Variants in KRT18 observed in about 807,000 individuals in gnomAD.
KRT18 encodes the protein keratin, type I cytoskeletal 18.
Under a neutral mutation model 39.9 loss-of-function variants are expected in KRT18, and 8 were observed. The ratio of observed to expected loss-of-function variants is 0.20; its 90% CI spans 0.12 to 0.36. The LOEUF (loss-of-function observed/expected upper bound fraction) is 0.36, where lower values mean the gene tolerates loss of function less well. Ranked by LOEUF, KRT18 falls within the 10% of genes least tolerant of loss-of-function variation. The probability of loss-of-function intolerance (pLI) is 1.00; values close to 1 mark genes in which losing one functional copy is unlikely to be tolerated. For synonymous variants in KRT18, 194 were observed against 227.8 expected (o/e 0.85, Z 1.33); for missense variants, 396 against 565.7 (o/e 0.70, Z 3.04).
chr12:52,950,069 T>G, intron 1 of KRT18: 1 of 621,396 alleles, frequency 1.6e-6, no homozygotes, highest in Non-Finnish European at 2.9e-6. Context: ...TAGTAGCGAC[T>G]CACTTCTGGG....
chr12:52,950,012 G>T, intron 1 of KRT18: 2 of 606,272 alleles, frequency 3.3e-6, no homozygotes, highest in Non-Finnish European at 5.8e-6. Context: ...GAGTGACCAG[G>T]TGCACTAGGG....
rs147350452 is a variant in KRT18 at position 52,949,226 on chromosome 12, C to A, written c.53C>A (p.Ser18Tyr). ...TFSTNYRSLG[S>Y]VQAPSYGARP... ...TCCACCAACTACCGGTCCCTGGGCT[C>A]TGTCCAGGCGCCCAGCTACGGCGCC... The change falls in exon 1 of 7, where the codon TCT becomes TAT. Residue 18 changes from serine (S) to tyrosine (Y), a missense_variant. Transcript: ENST00000388835. 6.2e-7 allele frequency: 1 copy of A among 1,611,516 alleles called. No individual in the cohort carries two copies.
At position 52,950,404 on chromosome 12, in the gene KRT18, G is replaced by A; in HGVS notation, c.494G>A (p.Arg165Lys). 1.2e-6 allele frequency: 2 copies of A among 1,610,678 alleles called. No individual in the cohort carries two copies. Among genetic ancestry groups the A allele is most frequent in the Non-Finnish European group, 1.7e-6 (2 of 1,177,096 alleles). ...DNARLAADDF[R>K]VKYETELAMR... ...GCCCGTCTTGCTGCTGATGACTTTAGAGTCAAGTAAGTTTGGGGGCTAGAG... is the reference window on the plus strand; with the variant it reads ...GCCCGTCTTGCTGCTGATGACTTTAAAGTCAAGTAAGTTTGGGGGCTAGAG... The change falls in exon 2 of 7, where the codon AGA becomes AAA. Residue 165 changes from arginine to lysine, a missense_variant. Physicochemically the swap from Arg to Lys is conservative, Grantham distance 26 (BLOSUM62 2). Coordinates refer to ENST00000388835, the MANE Select transcript of KRT18 (RefSeq NM_000224.3).
rs761933454 is a variant in KRT18 at position 52,949,316 on chromosome 12, T to C, written c.143T>C (p.Val48Ala). The C allele has an allele frequency of 6.2e-7, 1 of 1,610,384 alleles. No homozygotes were observed. The highest frequency in any genetic ancestry group is 1.7e-5 in the Admixed American group (1 of 59,986). Residue 48 changes from valine to alanine, a missense_variant, in exon 1 of 7, where the codon GTG (valine) becomes GCG (alanine). By Grantham distance (64) the Val-to-Ala change is moderately conservative (BLOSUM62 0). Coordinates refer to ENST00000388835, the MANE Select transcript of KRT18 (RefSeq NM_000224.3). ...GGGGGCTCTGGTTCCCGGATCTCCG[T>C]GTCCCGCTCCACCAGCTTCAGGGGC... ...GAGGSGSRIS[V>A]SRSTSFRGGM...
chr12:52,951,475 CT>C lies in KRT18; in HGVS notation c.658-3del. 1 of 1,613,926 alleles carries C rather than the reference CT, an allele frequency of 6.2e-7. No individual in the cohort carries two copies. Among genetic ancestry groups the C allele is most frequent in the South Asian group, 1.1e-5 (1 of 91,068 alleles). On this transcript the variant is annotated splice_polypyrimidine_tract_variant and splice_region_variant and intron_variant, in intron 3 of 6. Coordinates refer to ENST00000388835, the MANE Select transcript of KRT18 (RefSeq NM_000224.3). ...CCCTCCTCACTTTTGCCCCTGTCACCTTTAGGAAGTAAAAGGCCTACAAGCC... is the reference window on the plus strand; with the variant it reads ...CCCTCCTCACTTTTGCCCCTGTCACCTTAGGAAGTAAAAGGCCTACAAGCC...
Position 52,949,307 on chromosome 12 carries a change from G to A in KRT18, c.134G>A (p.Arg45Gln). 1 of 1,610,474 alleles carries A rather than the reference G, an allele frequency of 6.2e-7. No individual in the cohort carries two copies. Among genetic ancestry groups the A allele is most frequent in the Non-Finnish European group, 8.5e-7 (1 of 1,179,762 alleles). Reference sequence around the variant, plus strand: ...GCAGGCGCTGGGGGCTCTGGTTCCCGGATCTCCGTGTCCCGCTCCACCAGC... The same window carrying A: ...GCAGGCGCTGGGGGCTCTGGTTCCCAGATCTCCGTGTCCCGCTCCACCAGC... ...VYAGAGGSGS[R>Q]ISVSRSTSFR... Residue 45 changes from arginine to glutamine, a missense_variant, in exon 1 of 7, where the codon CGG becomes CAG. By Grantham distance (43) the Arg-to-Gln change is conservative. Coordinates refer to ENST00000388835, the MANE Select transcript of KRT18 (RefSeq NM_000224.3).
chr12:52,949,444 C>T lies in KRT18; in HGVS notation c.271C>T (p.Leu91=), dbSNP rs1197512982. The change falls in exon 1 of 7, where the codon CTG becomes TTG. Residue 91 remains leucine (L), a synonymous_variant. Transcript: ENST00000388835. Reference sequence around the variant, plus strand: ...GACCATGCAAAGCCTGAACGACCGCCTGGCCTCTTACCTGGACAGAGTGAG... The same window carrying T: ...GACCATGCAAAGCCTGAACGACCGCTTGGCCTCTTACCTGGACAGAGTGAG... ...KETMQSLNDR[L]ASYLDRVRSL... 1.9e-6 allele frequency: 3 copies of T among 1,613,110 alleles called. No homozygotes were observed. The highest frequency in any genetic ancestry group is 1.3e-5 in the African/African-American group (1 of 74,948).
intron 1 of KRT18, chr12:52,949,798 G>T: frequency 1.4e-6 from 1 of 710,294 alleles, no homozygotes. Flanking sequence ...GGAGAGAGGG[G>T]GAAGGGGACA....
chr12:52,950,439 T>A, intron 2 of KRT18, 29 bp downstream of exon 2: 1 of 1,522,438 alleles, frequency 6.6e-7, no homozygotes, highest in Non-Finnish European at 9.1e-7. Context: ...GAGCTGGGGG[T>A]CCAGGGGTGG....
At chr12:52,950,269 C>CA in intron 1 of KRT18, 59 bp from the exon 2 acceptor site, 1 of 1,230,024 alleles carries the variant, frequency 8.1e-7, no homozygotes, top group African/African-American at 1.5e-5. Flanking sequence ...TTTACACACT[C>CA]ACCCCACCCA....
intron 6 of KRT18, 82 bp from the exon 7 acceptor site, chr12:52,952,640 G>C: frequency 6.8e-7 from 1 of 1,463,802 alleles, no homozygotes. Context: ...GTAGAGGTCA[G>C]GAGGCTTTTT....
intron 6 of KRT18, 189 bp from the exon 7 acceptor site, chr12:52,952,533 T>G (rs2120781183): frequency 1.3e-6 from 1 of 784,292 alleles, no homozygotes; most frequent in East Asian, 2.5e-5. Flanking sequence ...GAAAGCAAAC[T>G]AAGTATTGTC....
rs775171814 is a variant in KRT18 at position 52,952,352 on chromosome 12, G to T, written c.1172+10G>T. ...ATGGCGAGGACTTTAAGTGAGTGGG[G>T]CTCTCCTACCCACACGTGCTGGGAT... is the stretch of plus-strand genomic sequence containing the variant. On this transcript the variant is annotated intron_variant, in intron 6 of 6. Coordinates refer to ENST00000388835, the MANE Select transcript of KRT18 (RefSeq NM_000224.3). 1 of 1,542,302 alleles carries T rather than the reference G, an allele frequency of 6.5e-7. No homozygotes were observed. The highest frequency in any genetic ancestry group is 2.3e-5 in the East Asian group (1 of 44,042).
At chr12:52,950,189 G>T in intron 1 of KRT18, 139 bp from the exon 2 acceptor site, 1 of 767,258 alleles carries the variant, frequency 1.3e-6, no homozygotes. Flanking sequence ...GATGAAAAGG[G>T]ATAGGTGTCC....
intron 1 of KRT18, chr12:52,949,814 G>T: frequency 1.4e-6 from 1 of 706,502 alleles, no homozygotes; most frequent in South Asian, 1.5e-5. Flanking sequence ...GGACAGGGTT[G>T]AGAGCTTTAC....
At chr12:52,948,902 C>A, upstream of KRT18, 1 of 432,338 alleles carries the variant, frequency 2.3e-6, no homozygotes, top group South Asian at 8.4e-5. Flanking sequence ...ACCTGCTGTC[C>A]GTGTCCATGC....
At chr12:52,952,412 G>A (rs1441875757) in intron 6 of KRT18, 70 bp downstream of exon 6, 6 of 1,104,294 alleles carry the variant, frequency 5.4e-6, no homozygotes, top group East Asian at 5.1e-5. Flanking sequence ...CTGAGCTTTT[G>A]GAAGCACCCC....
intron 3 of KRT18, 111 bp from the exon 4 acceptor site, chr12:52,951,370 C>G: frequency 8.8e-7 from 1 of 1,133,210 alleles, no homozygotes; most frequent in South Asian, 1.2e-5. Flanking sequence ...CAAGGGGTTC[C>G]TCCTGTCTCT....
chr12:52,952,745 G>T lies in KRT18; in HGVS notation c.1196G>T (p.Ser399Ile). The change falls in exon 7 of 7, where the codon AGC becomes ATC. Residue 399 changes from serine (S) to isoleucine (I), a missense_variant. Coordinates refer to ENST00000388835, the MANE Select transcript of KRT18 (RefSeq NM_000224.3). ...AGTCTTGGTGATGCCTTGGACAGCA[G>T]CAACTCCATGCAAACCATCCAAAAG... ...DFNLGDALDS[S>I]NSMQTIQKTT... 6.2e-7 allele frequency: 1 copy of T among 1,612,942 alleles called. No individual in the cohort carries two copies. The highest frequency in any genetic ancestry group is 8.5e-7 in the Non-Finnish European group (1 of 1,179,944).
Sources: gnomAD v4.1 joint callset for allele counts on GRCh38, gnomAD v4.1.1 for gene constraint, MANE v1.5 for transcripts, NCBI Gene and HGNC (gene_info 2026-07-23, HGNC 2026-07-21) for gene names.